The following DNAAF5 variants were observed in gnomAD, a reference collection of about 807,000 sequenced individuals.
The protein encoded by DNAAF5 is HEAT repeat containing 2.
Under a neutral mutation model 75.8 loss-of-function variants are expected in DNAAF5, and 64 were observed. The ratio of observed to expected loss-of-function variants is 0.84; its 90% CI spans 0.69 to 1.04. The LOEUF is 1.04. Among genes scored for constraint, DNAAF5 ranks in the 50% least tolerant of loss-of-function variants. DNAAF5 has a pLI of 0.00. For synonymous variants in DNAAF5, 657 were observed against 557.2 expected, an observed-to-expected ratio of 1.18 and a Z score of -2.52; for missense variants, 1,269 against 1,178.5, an observed-to-expected ratio of 1.08 and a Z score of -1.12.
At chr7:770,388 C>T (rs979120020) in intron 8 of DNAAF5, 83 bp from the exon 9 acceptor site, 18 of 1,340,362 alleles carry the variant, frequency 1.3e-5, no homozygotes, top group African/African-American at 2.9e-5. Context: ...CAGGTGGGAG[C>T]GCCTGAGCCT....
At chr7:747,167 G>T (rs1303013758) in intron 4 of DNAAF5, among the ~76,000 whole-genome samples, 1 of 152,238 alleles carries the variant, frequency 6.6e-6, no homozygotes, top group East Asian at 1.9e-4. Flanking sequence ...CATAGGTACA[G>T]TCCTTACTTT....
intron 8 of DNAAF5, among the ~76,000 whole-genome samples, chr7:768,161 G>A (rs1350044402): frequency 3.0e-5 from 4 of 131,198 alleles, no homozygotes; most frequent in East Asian, 2.9e-4. Context: ...GGCTGGGAGC[G>A]CAGACACGTG....
At chr7:744,706 G>A (rs1366120960) in intron 4 of DNAAF5, among the ~76,000 whole-genome samples, 1 of 152,174 alleles carries the variant, frequency 6.6e-6, no homozygotes, top group Admixed American at 6.5e-5. Flanking sequence ...ACTGTTGGTG[G>A]GACTGTAAAC....
chr7:769,752 G>A (rs978881994), intron 8 of DNAAF5, among the ~76,000 whole-genome samples: 2 of 152,146 alleles, frequency 1.3e-5, no homozygotes, highest in Non-Finnish European at 1.5e-5. Flanking sequence ...CCGCCTCACG[G>A]GTTCAAGCAG....
chr7:737,477 C>A (rs1047619628), intron 2 of DNAAF5, among the ~76,000 whole-genome samples: 1 of 152,206 alleles, frequency 6.6e-6, no homozygotes, highest in Non-Finnish European at 1.5e-5. Flanking sequence ...TACAGTGTTA[C>A]AACATTGTGT....
chr7:774,979 C>G (rs1778709780), intron 10 of DNAAF5, 27 bp from the exon 11 acceptor site: 2 of 1,612,790 alleles, frequency 1.2e-6, no homozygotes, highest in South Asian at 1.1e-5. Flanking sequence ...AGATGTGAGT[C>G]ACGTCGTATG....
chr7:747,227 A>T (rs1269762934), intron 4 of DNAAF5, among the ~76,000 whole-genome samples: 1 of 152,236 alleles, frequency 6.6e-6, no homozygotes, highest in Non-Finnish European at 1.5e-5. Flanking sequence ...GCCATGTCGC[A>T]TCCCCACGGG....
chr7:768,320 G>GAGCTCTCGCTGGGAGGGCAGA (rs1778415794), intron 8 of DNAAF5, among the ~76,000 whole-genome samples: 5 of 150,956 alleles, frequency 3.3e-5, no homozygotes, highest in Admixed American at 1.3e-4. Flanking sequence ...CTGCGAGCAG[G>GAGCTCTCGCTGGGAGGGCAGA]AGCTCTCGCT....
At chr7:735,130 C>T (rs1781697408) in intron 2 of DNAAF5, among the ~76,000 whole-genome samples, 1 of 146,602 alleles carries the variant, frequency 6.8e-6, no homozygotes, top group Non-Finnish European at 1.5e-5. Context: ...CACAGTGTCG[C>T]CACTCACGAT....
rs1235486098 is a variant in DNAAF5, at chr7:726,918, C to T, written c.198C>T (p.Pro66=). The change falls in exon 1 of 13, where the codon CCC becomes CCT. Residue 66 remains proline (P), a synonymous_variant. Coordinates refer to ENST00000297440, the MANE Select transcript of DNAAF5 (RefSeq NM_017802.4). ...ALEEPGPAAD[P]TAFQGPWARL... ...AGGAGCCAGGCCCTGCCGCCGACCC[C>T]ACCGCTTTCCAGGGCCCCTGGGCGC... The T allele has an allele frequency of 4.5e-6, 6 of 1,347,324 alleles. No individual in the cohort carries two copies. The highest frequency in any genetic ancestry group is 1.9e-6 in the Non-Finnish European group (2 of 1,047,238). 83.5% of individuals were successfully genotyped at this position (1,347,324 alleles called of 1,614,324 possible). A position where few individuals can be genotyped will look rare whatever the true frequency, so the allele number is the denominator to read the frequency against.
At chr7:728,995 C>CTTT (rs398003363) in intron 1 of DNAAF5, among the ~76,000 whole-genome samples, 2,572 of 125,514 alleles carry the variant, frequency 0.02, 93 homozygotes, top group African/African-American at 0.038. Context: ...TTGGTTCTGA[C>CTTT]TTTTTTTTTT....
rs1782655904 is a variant in DNAAF5, at chr7:761,834, C to A, written c.1552C>A (p.Gln518Lys). ...TGAGGACTGTGGCGTGGCCAGCCTGCAGCTCTTGGACGTGCTGCTGACAAT... is the reference window on the plus strand; with the variant it reads ...TGAGGACTGTGGCGTGGCCAGCCTGAAGCTCTTGGACGTGCTGCTGACAAT... ...CHEDCGVASL[Q>K]LLDVLLTIVA... Residue 518 changes from glutamine to lysine, a missense_variant, in exon 7 of 13, where the codon CAG becomes AAG. Transcript: ENST00000297440. 1 of 1,604,160 alleles carries A rather than the reference C, an allele frequency of 6.2e-7. No individual in the cohort carries two copies. The highest frequency in any genetic ancestry group is 1.3e-5 in the African/African-American group (1 of 74,670).
chr7:740,971 G>A, intron 3 of DNAAF5, 28 bp downstream of exon 3: 1 of 1,608,348 alleles, frequency 6.2e-7, no homozygotes, highest in Non-Finnish European at 8.5e-7. Flanking sequence ...CGCGGGCCTT[G>A]TCTTCCTAAA....
In DNAAF5 at chr7:775,012, G is replaced by A. The variant is rs771333841; in HGVS notation, c.2089G>A (p.Asp697Asn). The A allele has an allele frequency of 6.2e-7, 1 of 1,613,994 alleles. No homozygotes were observed. Among genetic ancestry groups the A allele is most frequent in the Non-Finnish European group, 8.5e-7 (1 of 1,179,974 alleles). Reference protein sequence around the residue: ...SEVLSAEQIRDVQETLMPQVL... With the variant: ...SEVLSAEQIRNVQETLMPQVL... ...ATGTGTTTGCTGATTGCAGATACGGGACGTGCAGGAAACACTGATGCCCCA... is the reference window on the plus strand; with the variant it reads ...ATGTGTTTGCTGATTGCAGATACGGAACGTGCAGGAAACACTGATGCCCCA... Residue 697 changes from aspartate to asparagine, a missense_variant, in exon 11 of 13, where the codon GAC (aspartate) becomes AAC (asparagine). Physicochemically the swap from Asp to Asn is conservative, Grantham distance 23. Transcript: ENST00000297440.
In DNAAF5 at chr7:780,131, G is replaced by C. The variant is rs1778888167; in HGVS notation, c.2418G>C (p.Gln806His). ...VHLDDPERAI[Q>H]DAILEVLKEG... Reference sequence around the variant, plus strand: ...TTGACGATCCAGAGAGGGCCATCCAGGATGCAATTTTAGGTGAGACTCCGA... The same window carrying C: ...TTGACGATCCAGAGAGGGCCATCCACGATGCAATTTTAGGTGAGACTCCGA... Residue 806 changes from glutamine (Q) to histidine (H), a missense_variant, in exon 12 of 13, where the codon CAG becomes CAC. Physicochemically the swap from Gln to His is conservative, Grantham distance 24 (BLOSUM62 0). Coordinates refer to ENST00000297440, the MANE Select transcript of DNAAF5 (RefSeq NM_017802.4). 1.2e-6 allele frequency: 2 copies of C among 1,613,730 alleles called. No individual in the cohort carries two copies. Among genetic ancestry groups the C allele is most frequent in the Non-Finnish European group, 8.5e-7 (1 of 1,179,874 alleles).
intron 8 of DNAAF5, among the ~76,000 whole-genome samples, chr7:764,555 G>A (rs1010726887): frequency 3.3e-5 from 5 of 152,194 alleles, no homozygotes; most frequent in Non-Finnish European, 7.3e-5. Context: ...GCTCTTCCTC[G>A]TTTGCCTCCC....
chr7:757,299 C>A (rs1164865775), intron 6 of DNAAF5, among the ~76,000 whole-genome samples: 1 of 58,330 alleles, frequency 1.7e-5, no homozygotes, highest in East Asian at 3.1e-4. Context: ...GTTGCTGCCC[C>A]TTTCTTGGCC....
intron 4 of DNAAF5, among the ~76,000 whole-genome samples, chr7:750,461 G>A (rs1167795506): frequency 6.6e-6 from 1 of 152,224 alleles, no homozygotes; most frequent in Non-Finnish European, 1.5e-5. Context: ...TTTTCCATGG[G>A]TGGGGCAGGG....
chr7:776,783 G>A (rs775927123), intron 11 of DNAAF5, among the ~76,000 whole-genome samples: 7 of 152,170 alleles, frequency 4.6e-5, no homozygotes, highest in Non-Finnish European at 8.8e-5. Context: ...CAGGGCCCCC[G>A]CCACCCAGGC....
Sources: allele counts gnomAD v4.1 joint callset (sites outside exome capture counted in the v4.1 genomes callset), GRCh38; gene constraint gnomAD v4.1.1; transcripts MANE v1.5; gene names NCBI Gene and HGNC (gene_info 2026-07-23, HGNC 2026-07-21).